The following ZNF451 variants were observed in gnomAD, a reference collection of about 807,000 sequenced individuals.
ZNF451 encodes zinc finger protein 451, also known as E3 SUMO-protein ligase ZNF451.
ZNF451 carries 80 observed loss-of-function variants against 107.1 expected under a neutral mutation model. The ratio of observed to expected loss-of-function variants is 0.75; its 90% CI spans 0.62 to 0.90. ZNF451 has a LOEUF of 0.90. Ranked by LOEUF, ZNF451 falls within the 40% of genes least tolerant of loss-of-function variation. The pLI is 0.00. For synonymous variants in ZNF451, 362 were observed against 406.5 expected (o/e 0.89, Z 1.32); for missense variants, 1,107 against 1,236.2 (o/e 0.90, Z 1.57).
chr6:57,112,853 C>G (rs1234673853), intron 3 of ZNF451, among the ~76,000 whole-genome samples: 1 of 152,028 alleles, frequency 6.6e-6, no homozygotes, highest in African/African-American at 2.4e-5. Flanking sequence ...TCATCAAGAA[C>G]TAAAGTGCTT....
chr6:57,153,117 T>G (rs1160854526), intron 12 of ZNF451, among the ~76,000 whole-genome samples: 3 of 152,180 alleles, frequency 2.0e-5, no homozygotes, highest in Non-Finnish European at 4.4e-5. Context: ...ACTTGTTGAC[T>G]GCAGCTTATG....
At chr6:57,154,230 G>T in intron 13 of ZNF451, 183 bp downstream of exon 13, 1 of 626,972 alleles carries the variant, frequency 1.6e-6, no homozygotes, top group South Asian at 2.1e-5. Flanking sequence ...TGTTTTAGAA[G>T]GAGGATGAAT....
At chr6:57,160,801 C>T in intron 13 of ZNF451, 1 of 271,840 alleles carries the variant, frequency 3.7e-6, no homozygotes, top group Non-Finnish European at 6.9e-6. Context: ...CGTAAGACAT[C>T]AGGTAAGTAA....
At chr6:57,101,511 T>G in intron 3 of ZNF451, 1 of 1,551,026 alleles carries the variant, frequency 6.4e-7, no homozygotes, top group Non-Finnish European at 8.7e-7. Context: ...CCCCTCTAGA[T>G]TCTACCTCAA....
chr6:57,143,053 CT>C (rs746990412), intron 9 of ZNF451, among the ~76,000 whole-genome samples: 1 of 152,010 alleles, frequency 6.6e-6, no homozygotes, highest in East Asian at 1.9e-4. Flanking sequence ...AGTTGGGGTT[CT>C]TTATATATTC....
intron 7 of ZNF451, among the ~76,000 whole-genome samples, chr6:57,138,103 T>A (rs917265208): frequency 6.6e-6 from 1 of 152,224 alleles, no homozygotes; most frequent in East Asian, 1.9e-4. Flanking sequence ...TTAATTCCTC[T>A]AACGAGTTAA....
chr6:57,159,179 C>G, intron 13 of ZNF451: 1 of 985,278 alleles, frequency 1.0e-6, no homozygotes, highest in Non-Finnish European at 1.2e-6. Context: ...TTTCTCTGTT[C>G]TTCTGATGGG....
rs2127943115 is a variant in ZNF451 at position 57,104,488 on chromosome 6, T to C, written c.186+5347T>C. On this transcript the variant is annotated intron_variant, in intron 3 of 14. Coordinates refer to ENST00000370706, the MANE Select transcript of ZNF451 (RefSeq NM_001031623.3). ...CTTGGTGGTTTTTGAAATACTCTTA[T>C]TTCAAACCTTAAACTAAACCGAAAT... The C allele has an allele frequency of 3.0e-6, 3 of 985,422 alleles. No homozygotes were observed. The African/African-American group carries it at 5.2e-5, about 17-fold the overall frequency. The allele number at this position is 985,422 out of a possible 1,614,324, so 61.0% of individuals were successfully genotyped here.
At chr6:57,159,078 A>G (rs1763556154) in intron 13 of ZNF451, 1 of 985,466 alleles carries the variant, frequency 1.0e-6, no homozygotes, top group Non-Finnish European at 1.2e-6. Flanking sequence ...AATGAAAACT[A>G]TAGGTTGTTT....
chr6:57,163,640 C>A (rs1225342268), intron 14 of ZNF451, among the ~76,000 whole-genome samples: 1 of 143,718 alleles, frequency 7.0e-6, no homozygotes, highest in Non-Finnish European at 1.5e-5. Flanking sequence ...TTAGTAGAGA[C>A]GGGGTTTCAC....
Position 57,141,984 on chromosome 6 carries a change from C to T in ZNF451, c.893C>T (p.Ser298Phe). The T allele has an allele frequency of 6.2e-7, 1 of 1,614,054 alleles. No individual in the cohort carries two copies. Among genetic ancestry groups the T allele is most frequent in the African/African-American group, 1.3e-5 (1 of 75,054 alleles). The change falls in exon 9 of 15, where the codon TCT becomes TTT. Residue 298 changes from serine (S) to phenylalanine (F), a missense_variant. Physicochemically the swap from Ser to Phe is radical, Grantham distance 155. Coordinates refer to ENST00000370706, the MANE Select transcript of ZNF451 (RefSeq NM_001031623.3). ...KGIAHPISFP[S>F]FAKKLLISLC... Reference sequence around the variant, plus strand: ...ATTGCACATCCAATATCTTTCCCATCTTTTGCAAAGAAACTTTTGATCTCT... The same window carrying T: ...ATTGCACATCCAATATCTTTCCCATTTTTTGCAAAGAAACTTTTGATCTCT...
rs758097833 is a variant in ZNF451, at chr6:57,147,845, C to T, written c.1760C>T (p.Ser587Leu). The change falls in exon 10 of 15, where the codon TCA becomes TTA. Residue 587 changes from serine (S) to leucine (L), a missense_variant. Around this residue, in one of 5 missense-constraint regions of ZNF451, gnomAD observed 608 missense variants for 649.2 expected, o/e 0.94. Coordinates refer to ENST00000370706, the MANE Select transcript of ZNF451 (RefSeq NM_001031623.3). The part of the protein sequence containing the change: ...TLDNLTANKP[S>L]SAITVIDHSP... ...GATAATTTGACTGCTAACAAGCCTT[C>T]ATCAGCTATTACTGTTATTGATCAT... 1.2e-6 allele frequency: 2 copies of T among 1,614,132 alleles called. No homozygotes were observed.
chr6:57,158,403 G>C (rs1763528729), intron 13 of ZNF451: 1 of 520,928 alleles, frequency 1.9e-6, no homozygotes, highest in African/African-American at 2.1e-5. Context: ...TGTGAGTTCT[G>C]GTGCTTTAAA....
intron 3 of ZNF451, among the ~76,000 whole-genome samples, chr6:57,110,944 C>T (rs12194407): frequency 0.14 from 21,029 of 147,762 alleles, 1,561 homozygotes; most frequent in Middle Eastern, 0.18. Flanking sequence ...TTTTTTGAGA[C>T]AGTCTCACTC....
Position 57,141,965 on chromosome 6 carries a change from C to T in ZNF451, c.874C>T (p.His292Tyr), listed in dbSNP as rs1831786477. Residue 292 changes from histidine (H) to tyrosine (Y), a missense_variant, in exon 9 of 15, where the codon CAT (histidine) becomes TAT (tyrosine). Around this residue, in one of 5 missense-constraint regions of ZNF451, gnomAD observed 339 missense variants for 372.8 expected, o/e 0.91. Coordinates refer to ENST00000370706, the MANE Select transcript of ZNF451 (RefSeq NM_001031623.3). ...TCTTTCAGATAACAAAGGAATTGCA[C>T]ATCCAATATCTTTCCCATCTTTTGC... ...FKLGDNKGIA[H>Y]PISFPSFAKK... The T allele has an allele frequency of 1.2e-6, 2 of 1,613,630 alleles. No individual in the cohort carries two copies. Among genetic ancestry groups the T allele is most frequent in the Non-Finnish European group, 8.5e-7 (1 of 1,179,662 alleles).
At chr6:57,106,897 T>G in intron 3 of ZNF451, 8 of 953,350 alleles carry the variant, frequency 8.4e-6, no homozygotes, top group East Asian at 1.2e-4. Flanking sequence ...TGCAAATCTT[T>G]TTATTATTTT....
At chr6:57,158,996 C>G in intron 13 of ZNF451, 1 of 985,428 alleles carries the variant, frequency 1.0e-6, no homozygotes, top group Non-Finnish European at 1.2e-6. Context: ...GGCCTGTGGA[C>G]TAGGCATTAC....
intron 9 of ZNF451, among the ~76,000 whole-genome samples, chr6:57,143,149 A>T (rs1831862883): frequency 6.6e-6 from 1 of 152,024 alleles, no homozygotes; most frequent in Non-Finnish European, 1.5e-5. Context: ...TTTTCCTGTG[A>T]TTTTGCATAT....
chr6:57,108,560 GTA>G (rs1829976038), intron 3 of ZNF451: 8 of 985,080 alleles, frequency 8.1e-6, no homozygotes, highest in Middle Eastern at 1.0e-3. Context: ...CTACTGTTAG[GTA>G]TGCAGCCCGT....
Sources: gnomAD v4.1 joint callset for allele counts (sites outside exome capture counted in the v4.1 genomes callset) on GRCh38, gnomAD v4.1.1 for gene constraint, gnomAD v4.1.1 regional missense constraint, MANE v1.5 for transcripts, NCBI Gene and HGNC (gene_info 2026-07-23, HGNC 2026-07-21) for gene names.